The following VIRMA variants were observed in gnomAD, a reference collection of about 807,000 sequenced individuals.
VIRMA encodes vir like m6A methyltransferase associated.
In VIRMA, 65 loss-of-function variants were observed where a neutral mutation model predicts 182.4. The ratio of observed to expected loss-of-function variants is 0.36; its 90% CI spans 0.29 to 0.44. VIRMA has a LOEUF of 0.44. VIRMA is among the 20% of genes least tolerant of loss of function. VIRMA has a pLI of 1.00. For synonymous variants in VIRMA, 709 were observed against 743.1 expected (o/e 0.95, Z 0.75); for missense variants, 1,752 against 2,158.1 (o/e 0.81, Z 3.73).
chr8:94,521,550 T>G (rs1390370204), intron 8 of VIRMA, among the ~76,000 whole-genome samples: 1 of 152,208 alleles, frequency 6.6e-6, no homozygotes, highest in African/African-American at 2.4e-5. Flanking sequence ...TTTTAATTAT[T>G]AAGAATATCA....
intron 8 of VIRMA, among the ~76,000 whole-genome samples, chr8:94,523,606 G>A (rs531739590): frequency 2.0e-5 from 3 of 151,864 alleles, no homozygotes; most frequent in African/African-American, 4.8e-5. Context: ...TTTCTGTAGC[G>A]GTCTCCCTAT....
At position 94,535,012 on chromosome 8, in the gene VIRMA, T is replaced by G. The variant is rs539765339; in HGVS notation, c.316-5A>C. Reference sequence around the variant, plus strand: ...CACCAGACCATCAGTATTCACCTGATTTTCAGGGAGGGCAAAAAAAATCTT... The same window carrying G: ...CACCAGACCATCAGTATTCACCTGAGTTTCAGGGAGGGCAAAAAAAATCTT... On this transcript the variant is annotated splice_region_variant and splice_polypyrimidine_tract_variant and intron_variant, in intron 4 of 23. Transcript: ENST00000297591. 1.1e-4 allele frequency: 176 copies of G among 1,561,702 alleles called. No homozygotes were observed. The South Asian group carries it at 2.0e-3, about 18-fold the overall frequency.
rs1459450464 is a variant in VIRMA at position 94,491,701 on chromosome 8, G to C, written c.5017C>G (p.Pro1673Ala). The C allele has an allele frequency of 6.2e-7, 1 of 1,614,134 alleles. No individual in the cohort carries two copies. The highest frequency in any genetic ancestry group is 1.1e-5 in the South Asian group (1 of 91,080). ...KEVVPQDGIP[P>A]PKRPLKVSQK... ...GATACTTTGAGTGGCCGTTTTGGTG[G>C]AGGTATTCCATCTTGAGGAACCACT... The change falls in exon 22 of 24, where the codon CCA becomes GCA. Residue 1673 changes from proline (P) to alanine (A), a missense_variant. Pro to Ala is a conservative substitution (Grantham distance 27). Around this residue, in one of 11 missense-constraint regions of VIRMA, gnomAD observed 12 missense variants for 24.2 expected, o/e 0.50. Transcript: ENST00000297591.
intron 8 of VIRMA, 60 bp from the exon 9 acceptor site, chr8:94,519,536 T>C: frequency 6.7e-7 from 1 of 1,488,782 alleles, no homozygotes; most frequent in Non-Finnish European, 9.0e-7. Flanking sequence ...ATTTACTCAA[T>C]ATTCAGACAA....
At chr8:94,546,782 T>G in intron 1 of VIRMA, 1 of 379,890 alleles carries the variant, frequency 2.6e-6, no homozygotes, top group South Asian at 2.0e-5. Context: ...CCTGTGCTTC[T>G]TTCTTGCCTC....
chr8:94,550,908 G>A (rs1224958597), intron 1 of VIRMA, among the ~76,000 whole-genome samples: 2 of 151,890 alleles, frequency 1.3e-5, no homozygotes, highest in African/African-American at 4.8e-5. Flanking sequence ...TAGTAGAGAC[G>A]GGGTTTCACT....
Position 94,492,752 on chromosome 8 carries a change from C to G in VIRMA, c.4708G>C (p.Glu1570Gln). Residue 1570 changes from glutamate (E) to glutamine (Q), a missense_variant, in exon 21 of 24, where the codon GAG (glutamate) becomes CAG (glutamine). Around this residue, in one of 11 missense-constraint regions of VIRMA, gnomAD observed 777 missense variants for 920.6 expected, o/e 0.84. Transcript: ENST00000297591. ...CSDFDLHSEL[E>Q]RSFLSEPSSP... is the part of the protein sequence containing the mutation. Reference sequence around the variant, plus strand: ...GATGGTTCTGACAAAAATGAGCGCTCTAATTCTGAGTGCAAATCAAAGTCA... The same window carrying G: ...GATGGTTCTGACAAAAATGAGCGCTGTAATTCTGAGTGCAAATCAAAGTCA... The G allele has an allele frequency of 1.2e-6, 2 of 1,613,958 alleles. No homozygotes were observed. The highest frequency in any genetic ancestry group is 8.5e-7 in the Non-Finnish European group (1 of 1,179,932).
intron 10 of VIRMA, 24 bp from the exon 11 acceptor site, chr8:94,514,975 A>C (rs1411174062): frequency 1.7e-6 from 2 of 1,162,594 alleles, no homozygotes; most frequent in Non-Finnish European, 2.4e-6. Context: ...ATAATTTATA[A>C]TATTTAAAAA....
intron 1 of VIRMA, among the ~76,000 whole-genome samples, chr8:94,546,377 A>C (rs1815766237): frequency 1.3e-5 from 2 of 150,950 alleles, no homozygotes; most frequent in Non-Finnish European, 2.9e-5. Flanking sequence ...TGCCCAAGAC[A>C]TTATTATCCT....
chr8:94,523,234 T>C (rs1814837048), intron 8 of VIRMA, among the ~76,000 whole-genome samples: 4 of 152,232 alleles, frequency 2.6e-5, no homozygotes, highest in South Asian at 4.1e-4. Context: ...GGAATTGTTA[T>C]TGTTTACTCC....
chr8:94,502,758 T>C (rs745834164), intron 16 of VIRMA, among the ~76,000 whole-genome samples: 1 of 151,980 alleles, frequency 6.6e-6, no homozygotes, highest in Non-Finnish European at 1.5e-5. Flanking sequence ...GTACTAGCAA[T>C]AGGAAGTACT....
intron 17 of VIRMA, chr8:94,498,274 G>A (rs978408699): frequency 6.6e-6 from 1 of 152,156 alleles, no homozygotes; most frequent in African/African-American, 2.4e-5. Flanking sequence ...TTAACAATAA[G>A]ATTTTAGAGT....
intron 22 of VIRMA, among the ~76,000 whole-genome samples, chr8:94,490,843 G>C (rs993066011): frequency 6.6e-6 from 1 of 150,832 alleles, no homozygotes; most frequent in Non-Finnish European, 1.5e-5. Flanking sequence ...GCAAAACTCT[G>C]TCTCCAAAAA....
At chr8:94,541,504 C>A (rs1586110640) in intron 2 of VIRMA, among the ~76,000 whole-genome samples, 1 of 152,108 alleles carries the variant, frequency 6.6e-6, no homozygotes, top group Non-Finnish European at 1.5e-5. Context: ...CACTTGATCT[C>A]TAACACTGCT....
chr8:94,498,922 G>A (rs1022774784), intron 17 of VIRMA: 3 of 152,378 alleles, frequency 2.0e-5, no homozygotes, highest in Non-Finnish European at 2.9e-5. Flanking sequence ...TACTAAAAAG[G>A]TACAAAAAAT....
At chr8:94,530,825 T>C in intron 6 of VIRMA, 138 bp downstream of exon 6, 3 of 768,178 alleles carry the variant, frequency 3.9e-6, no homozygotes, top group Non-Finnish European at 3.9e-6. Context: ...GGTGAGAGGA[T>C]CACTTAAGCC....
chr8:94,492,615 T>C (rs371268554), intron 21 of VIRMA, 37 bp downstream of exon 21: 414 of 1,563,064 alleles, frequency 2.6e-4, no homozygotes, highest in Non-Finnish European at 3.4e-4. Flanking sequence ...TAAGCTTATG[T>C]GATGACATTT....
Position 94,534,924 on chromosome 8 carries a change from A to T in VIRMA, c.399T>A (p.Ser133Arg), listed in dbSNP as rs1815290515. Reference sequence around the variant, plus strand: ...GTGGTGGTGGAGAGTCTCTGTCATGACTTATCACTCTATCCACTGATCCAT... The same window carrying T: ...GTGGTGGTGGAGAGTCTCTGTCATGTCTTATCACTCTATCCACTGATCCAT... ...AIYGSVDRVI[S>R]HDRDSPPPPP... The change falls in exon 5 of 24, where the codon AGT becomes AGA. Residue 133 changes from serine to arginine, a missense_variant. Around this residue, in one of 11 missense-constraint regions of VIRMA, gnomAD observed 195 missense variants for 191.7 expected, o/e 1.02. Coordinates refer to ENST00000297591, the MANE Select transcript of VIRMA (RefSeq NM_015496.5). 1 of 1,613,710 alleles carries T rather than the reference A, an allele frequency of 6.2e-7. No homozygotes were observed.
intron 8 of VIRMA, among the ~76,000 whole-genome samples, 189 bp from the exon 9 acceptor site, chr8:94,519,665 T>C (rs1244984328): frequency 6.6e-6 from 1 of 152,222 alleles, no homozygotes; most frequent in Non-Finnish European, 1.5e-5. Context: ...GAGTGAATGT[T>C]CTGTGAGGCT....
Sources: gnomAD v4.1 joint callset for allele counts (sites outside exome capture counted in the v4.1 genomes callset) on GRCh38, gnomAD v4.1.1 for gene constraint, gnomAD v4.1.1 regional missense constraint, MANE v1.5 for transcripts, NCBI Gene and HGNC (gene_info 2026-07-23, HGNC 2026-07-21) for gene names.